Variants in HIP1R observed in about 807,000 individuals in gnomAD.
HIP1R encodes huntingtin-interacting protein 1-related protein.
Under a neutral mutation model 144.2 loss-of-function variants are expected in HIP1R, and 135 were observed. The observed-to-expected ratio is 0.94, with a 90% CI of 0.81 to 1.08. The LOEUF is 1.08. HIP1R is among the 50% of genes least tolerant of loss of function. The pLI is 0.00. For synonymous variants in HIP1R, 698 were observed against 612.8 expected (o/e 1.14, Z -2.05); for missense variants, 1,462 against 1,432.8 (o/e 1.02, Z -0.33).
intron 1 of HIP1R, among the ~76,000 whole-genome samples, chr12:122,846,884 A>G (rs1256265679): frequency 6.6e-6 from 1 of 152,188 alleles, no homozygotes; most frequent in Non-Finnish European, 1.5e-5. Flanking sequence ...GTAGACCCTA[A>G]TTGGATGTCC....
chr12:122,854,775 A>C, intron 8 of HIP1R, 130 bp from the exon 9 acceptor site: 1 of 883,244 alleles, frequency 1.1e-6, no homozygotes, highest in Non-Finnish European at 1.8e-6. Flanking sequence ...TCCCGATGGG[A>C]GAGCGGGCCT....
At position 122,855,062 on chromosome 12, in the gene HIP1R, CT is replaced by C. The variant is rs1566109770; in HGVS notation, c.788del (p.Phe263SerfsTer42). On this transcript the variant is annotated frameshift_variant, in exon 10 of 32. Transcript: ENST00000253083. LOFTEE classifies it high-confidence loss of function. ...FHEQFHSLRN[F>X]FRRASDMLYF... is the part of the protein sequence containing the mutation. The stretch of plus-strand genomic sequence containing the variant: ...CCCACCATCTCTGCAGCCTCAGGAA[CT>C]TCTTCCGCAGAGCCTCCGACATGCT... 1 of 1,613,760 alleles carries C rather than the reference CT, an allele frequency of 6.2e-7. No individual in the cohort carries two copies. The highest frequency in any genetic ancestry group is 8.5e-7 in the Non-Finnish European group (1 of 1,180,000).
intron 20 of HIP1R, 147 bp downstream of exon 20, chr12:122,858,582 A>G: frequency 1.4e-6 from 1 of 705,584 alleles, no homozygotes; most frequent in Non-Finnish European, 2.3e-6. Context: ...CTTCCCAGGA[A>G]CCCACCCCTG....
Position 122,851,231 on chromosome 12 carries a change from C to A in HIP1R, c.516-5C>A, listed in dbSNP as rs200057689. The A allele has an allele frequency of 2.0e-6, 3 of 1,507,112 alleles. No homozygotes were observed. Among genetic ancestry groups the A allele is most frequent in the East Asian group, 2.5e-5 (1 of 39,484 alleles). The allele number at this position is 1,507,112 out of a possible 1,614,324, so 93.4% of individuals were successfully genotyped here. A position where few individuals can be genotyped will look rare whatever the true frequency, so the allele number is the denominator to read the frequency against. On this transcript the variant is annotated splice_polypyrimidine_tract_variant and splice_region_variant and intron_variant, in intron 6 of 31. Coordinates refer to ENST00000253083, the MANE Select transcript of HIP1R (RefSeq NM_003959.3). ...TTCATTTCTTCCCCCACTTCTCTTG[C>A]GTAGCTTCCAGCTCACTGTGGAGAT...
In HIP1R at chr12:122,859,106, T is replaced by C; in HGVS notation, c.2204T>C (p.Leu735Pro). Residue 735 changes from leucine to proline, a missense_variant, in exon 22 of 32, where the codon CTC (leucine) becomes CCC (proline). Coordinates refer to ENST00000253083, the MANE Select transcript of HIP1R (RefSeq NM_003959.3). ...GAGTGCGGGGCCCGGGCTCTGGAGC[T>C]CATGGGGCAGCTGCAGGACCAGCAG... ...CRECGARALE[L>P]MGQLQDQQAL... 6.2e-7 allele frequency: 1 copy of C among 1,600,626 alleles called. No homozygotes were observed. Among genetic ancestry groups the C allele is most frequent in the Non-Finnish European group, 8.5e-7 (1 of 1,174,318 alleles).
At chr12:122,850,372 G>A in intron 5 of HIP1R, 2 of 462,402 alleles carry the variant, frequency 4.3e-6, no homozygotes, top group Non-Finnish European at 8.6e-6. Flanking sequence ...TGGTTCAGTG[G>A]CCGCTGGGTG....
At chr12:122,841,937 G>A (rs1312112719) in intron 1 of HIP1R, among the ~76,000 whole-genome samples, 1 of 152,184 alleles carries the variant, frequency 6.6e-6, no homozygotes, top group Non-Finnish European at 1.5e-5. Context: ...GAGTGGCCAG[G>A]ACCAAGCAGG....
chr12:122,861,499 C>G lies in HIP1R; in HGVS notation c.3144C>G (p.Pro1048=). ...TGGCCCAGAAGCCCAGCGTGGCCCC[C>G]AGACAGGACCACCAGGTGCCGTCTG... ...PPLAQKPSVA[P]RQDHQLDKKD... is the part of the protein sequence containing the mutation. The change falls in exon 31 of 32, where the codon CCC becomes CCG. Residue 1048 remains proline (P), a synonymous_variant. Coordinates refer to ENST00000253083, the MANE Select transcript of HIP1R (RefSeq NM_003959.3). 6.2e-7 allele frequency: 1 copy of G among 1,611,640 alleles called. No homozygotes were observed. Among genetic ancestry groups the G allele is most frequent in the South Asian group, 1.1e-5 (1 of 90,850 alleles).
intron 1 of HIP1R, among the ~76,000 whole-genome samples, chr12:122,842,357 C>T (rs1179923873): frequency 2.0e-5 from 3 of 152,194 alleles, no homozygotes; most frequent in African/African-American, 7.2e-5. Context: ...TACTTTTACT[C>T]TGCAGCTCTA....
Position 122,849,895 on chromosome 12 carries a change from C to T in HIP1R, c.378C>T (p.Tyr126=), listed in dbSNP as rs35465127. ...GDLWGHLHDR[Y]GQLVNVYTKL... The stretch of plus-strand genomic sequence containing the variant: ...CACAGGGACATTTGCATGACCGCTA[C>T]GGACAGCTGGTGAATGTCTACACCA... The change falls in exon 5 of 32, where the codon TAC becomes TAT. Residue 126 remains tyrosine (Y), a synonymous_variant. Coordinates refer to ENST00000253083, the MANE Select transcript of HIP1R (RefSeq NM_003959.3). 0.022 allele frequency: 35,883 copies of T among 1,613,028 alleles called. 501 individuals carry two copies. The highest frequency in any genetic ancestry group is 0.028 in the Non-Finnish European group (32,758 of 1,179,416).
In HIP1R at chr12:122,835,484, G is replaced by T; in HGVS notation, c.-67G>T. On this transcript the variant is annotated 5_prime_UTR_variant, in exon 1 of 32. Transcript: ENST00000253083. ...GGTGGCCTCGCGGTGCCTAGGCTGG[G>T]GCTGCCGGACCGTGAGGCTGTGAGT... 8.2e-7 allele frequency: 1 copy of T among 1,214,452 alleles called. No individual in the cohort carries two copies. Among genetic ancestry groups the T allele is most frequent in the Non-Finnish European group, 1.0e-6 (1 of 972,398 alleles). 75.2% of individuals were successfully genotyped at this position (1,214,452 alleles called of 1,614,324 possible).
intron 13 of HIP1R, 21 bp downstream of exon 13, chr12:122,855,924 GGGGCCAGGGCCCCT>G: frequency 1.9e-6 from 3 of 1,564,408 alleles, no homozygotes; most frequent in Non-Finnish European, 2.6e-6. Context: ...GGGATGGGTG[GGGGCCAGGGCCCCT>G]CACGGCCCAG....
upstream of HIP1R, chr12:122,834,896 A>C: frequency 8.2e-7 from 1 of 1,216,576 alleles, no homozygotes; most frequent in East Asian, 5.7e-5. Flanking sequence ...TGACACATAC[A>C]TTAAGACCAA....
At position 122,860,546 on chromosome 12, in the gene HIP1R, G is replaced by GA. The variant is rs761122744; in HGVS notation, c.2660+23_2660+24insA. The GA allele has an allele frequency of 7.0e-6, 11 of 1,565,364 alleles. No individual in the cohort carries two copies. The African/African-American group carries it at 1.2e-4, about 17-fold the overall frequency. ...GGTGTAGGTTGCCCTGGGTGGGGGG[G>GA]GGCAGGGGGCTGCTTCCTGCCAGTT... On this transcript the variant is annotated intron_variant, in intron 27 of 31. Coordinates refer to ENST00000253083, the MANE Select transcript of HIP1R (RefSeq NM_003959.3).
chr12:122,856,788 T>G (rs2033597156), intron 17 of HIP1R, 62 bp downstream of exon 17: 23 of 1,394,678 alleles, frequency 1.6e-5, no homozygotes, highest in Non-Finnish European at 2.2e-5. Context: ...GGAAGTCAGG[T>G]CCTCTTTCCC....
intron 26 of HIP1R, 23 bp downstream of exon 26, chr12:122,860,233 GCA>G: frequency 6.5e-7 from 1 of 1,545,060 alleles, no homozygotes; most frequent in East Asian, 2.4e-5. Flanking sequence ...CGGCAGCAGG[GCA>G]CAGTCCACAA....
chr12:122,859,252 C>T (rs1435530854), intron 22 of HIP1R, 55 bp downstream of exon 22: 13 of 1,541,458 alleles, frequency 8.4e-6, no homozygotes, highest in African/African-American at 1.4e-5. Context: ...CTGACCTCTG[C>T]ACCCACCTCT....
chr12:122,848,731 C>T (rs1010543975), intron 3 of HIP1R, 65 bp from the exon 4 acceptor site: 8 of 1,601,318 alleles, frequency 5.0e-6, no homozygotes, highest in Admixed American at 3.3e-5. Context: ...GTGGGGAGTG[C>T]GTGTCTCAGG....
intron 4 of HIP1R, 149 bp downstream of exon 4, chr12:122,849,001 C>A: frequency 1.3e-6 from 1 of 788,028 alleles, no homozygotes; most frequent in Non-Finnish European, 2.1e-6. Context: ...CGGGGAGATG[C>A]TGCCTGCCTT....
Sources: allele counts gnomAD v4.1 joint callset (sites outside exome capture counted in the v4.1 genomes callset), GRCh38; gene constraint gnomAD v4.1.1; transcripts MANE v1.5; gene names NCBI Gene and HGNC (gene_info 2026-07-23, HGNC 2026-07-21).